Variants in RABIF observed in about 807,000 individuals in gnomAD.
RABIF encodes guanine nucleotide exchange factor MSS4.
A neutral mutation model predicts 12.3 loss-of-function variants in RABIF; 13 were observed. The ratio of observed to expected loss-of-function variants is 1.06; its 90% CI spans 0.69 to 1.68. The LOEUF is 1.68. RABIF is among the 40% of genes most tolerant of loss of function. RABIF has a pLI of 0.00. For missense variants in RABIF, 153 were observed against 158.0 expected (o/e 0.97, Z 0.17); for synonymous variants, 70 against 63.3 (o/e 1.11, Z -0.50).
intron 1 of RABIF, among the ~76,000 whole-genome samples, chr1:202,884,985 G>C (rs1659538783): frequency 6.6e-6 from 1 of 151,670 alleles, no homozygotes; most frequent in African/African-American, 2.4e-5. Flanking sequence ...CTACTCGGGA[G>C]GCTGAGACTG....
At chr1:202,884,659 A>C (rs1279465448) in intron 1 of RABIF, among the ~76,000 whole-genome samples, 1 of 152,132 alleles carries the variant, frequency 6.6e-6, no homozygotes, top group East Asian at 1.9e-4. Flanking sequence ...TCCAGTGCTC[A>C]GGTGTGTGAG....
chr1:202,884,814 G>GT (rs1328364309), intron 1 of RABIF, among the ~76,000 whole-genome samples: 1 of 152,192 alleles, frequency 6.6e-6, no homozygotes, highest in East Asian at 1.9e-4. Context: ...GCCGGGCACA[G>GT]TGGCTCATGC....
rs114826995 is a variant in RABIF at position 202,886,721 on chromosome 1, C to T, written c.126+2252G>A. 8.4e-3 allele frequency among the ~76,000 whole-genome samples: 1,229 copies of T among 146,356 alleles called. 17 individuals are homozygous for T. Among genetic ancestry groups the T allele is most frequent in the African/African-American group, 0.029 (1,172 of 40,126 alleles). On this transcript the variant is annotated intron_variant, in intron 1 of 1. Transcript: ENST00000367262. Reference sequence around the variant, plus strand: ...AGACCAGCCTGAGCAATACAGTGAGCGCGTCTATGTTTTTTTCTTTTTTCT... The same window carrying T: ...AGACCAGCCTGAGCAATACAGTGAGTGCGTCTATGTTTTTTTCTTTTTTCT...
intron 1 of RABIF, among the ~76,000 whole-genome samples, chr1:202,885,962 C>G (rs921153728): frequency 1.0e-4 from 13 of 125,810 alleles, no homozygotes; most frequent in Non-Finnish European, 1.3e-4. Context: ...AAAAACACAA[C>G]CCAAAAAAAA....
intron 1 of RABIF, among the ~76,000 whole-genome samples, chr1:202,882,029 A>G (rs1006597097): frequency 2.6e-5 from 4 of 152,218 alleles, no homozygotes; most frequent in Non-Finnish European, 5.9e-5. Context: ...CATATTTTAA[A>G]TGCACATTAG....
chr1:202,884,672 C>T (rs1367017206), intron 1 of RABIF, among the ~76,000 whole-genome samples: 1 of 152,092 alleles, frequency 6.6e-6, no homozygotes, highest in Non-Finnish European at 1.5e-5. Flanking sequence ...TGTGTGAGCC[C>T]TCCCAGCCCA....
chr1:202,882,370 C>T (rs997777714), intron 1 of RABIF, among the ~76,000 whole-genome samples: 3 of 151,948 alleles, frequency 2.0e-5, no homozygotes, highest in African/African-American at 4.8e-5. Context: ...GGCGACAGAG[C>T]GAGACTCTGT....
intron 1 of RABIF, among the ~76,000 whole-genome samples, chr1:202,881,471 A>G (rs1365421882): frequency 6.6e-6 from 1 of 151,744 alleles, no homozygotes; most frequent in Non-Finnish European, 1.5e-5. Context: ...GCGCGATCTC[A>G]GCTCACTGCA....
At chr1:202,888,902 T>G in intron 1 of RABIF, 71 bp downstream of exon 1, 1 of 1,441,558 alleles carries the variant, frequency 6.9e-7, no homozygotes, top group Non-Finnish European at 9.2e-7. Context: ...AGAGCCGGGG[T>G]TCAGATTCTG....
At position 202,888,947 on chromosome 1, in the gene RABIF, AAACGGCCTCC is replaced by A. The variant is rs765112912; in HGVS notation, c.126+16_126+25del. The stretch of plus-strand genomic sequence containing the variant: ...GCTCGTCGGGGGAGACTGTGGGTGT[AAACGGCCTCC>A]AACCTGCCTCCCTACCTGTCGGCGA... On this transcript the variant is annotated intron_variant, in intron 1 of 1. Transcript: ENST00000367262. The A allele has an allele frequency of 6.6e-7, 1 of 1,521,492 alleles. No individual in the cohort carries two copies. The highest frequency in any genetic ancestry group is 1.2e-5 in the South Asian group (1 of 81,184). The allele number at this position is 1,521,492 out of a possible 1,614,324, so 94.2% of individuals were successfully genotyped here.
rs1131906 is a variant in RABIF, at chr1:202,880,595, G to A, written c.*383C>T. ...GCAGATTTCAACTATTAGTACATAA[G>A]CATCTTTTGTTATGTGTCATCATAG... On this transcript the variant is annotated 3_prime_UTR_variant, in exon 2 of 2. Coordinates refer to ENST00000367262, the MANE Select transcript of RABIF (RefSeq NM_002871.5). 437,735 of 694,700 alleles carry A rather than the reference G, an allele frequency of 0.63. 139,242 individuals carry two copies. The highest frequency in any genetic ancestry group is 0.65 in the Non-Finnish European group (366,417 of 560,802). The allele number at this position is 694,700 out of a possible 1,614,324, so 43.0% of individuals were successfully genotyped here.
rs1315980852 is a variant in RABIF at position 202,887,941 on chromosome 1, T to TG, written c.126+1031dup. ...AATTGAGAACTCTACTCCTAAACCTTGAAGTCTTAAAAGAACCCCGGGACC... is the reference window on the plus strand; with the variant it reads ...AATTGAGAACTCTACTCCTAAACCTTGGAAGTCTTAAAAGAACCCCGGGACC... On this transcript the variant is annotated intron_variant, in intron 1 of 1. Transcript: ENST00000367262. 2.6e-5 allele frequency among the ~76,000 whole-genome samples: 4 copies of TG among 152,200 alleles called. No individual in the cohort carries two copies. In the East Asian group the frequency reaches 7.7e-4, roughly 29 times the overall value.
At chr1:202,881,482 A>ACCT (rs1429717969) in intron 1 of RABIF, among the ~76,000 whole-genome samples, 1 of 151,562 alleles carries the variant, frequency 6.6e-6, no homozygotes, top group Non-Finnish European at 1.5e-5. Flanking sequence ...GCTCACTGCA[A>ACCT]CCTCCGCCTC....
chr1:202,885,692 C>G (rs897532190), intron 1 of RABIF, among the ~76,000 whole-genome samples: 13 of 152,206 alleles, frequency 8.5e-5, no homozygotes, highest in Non-Finnish European at 1.9e-4. Context: ...TGACACAGAG[C>G]AGGGAAAGGA....
intron 1 of RABIF, among the ~76,000 whole-genome samples, chr1:202,888,719 C>A (rs527391335): frequency 7.4e-4 from 112 of 152,204 alleles, no homozygotes; most frequent in Admixed American, 1.8e-3. Context: ...GGCAGAGGGC[C>A]GGGCTGGCTG....
rs765437802 is a variant in RABIF, at chr1:202,888,988, G to A, written c.111C>T (p.Leu37=). The A allele has an allele frequency of 9.5e-6, 15 of 1,578,712 alleles. No individual in the cohort carries two copies. The Admixed American group carries it at 1.5e-4, about 16-fold the overall frequency. Residue 37 remains leucine (L), a synonymous_variant, in exon 1 of 2, where the codon CTC becomes CTT. Transcript: ENST00000367262. ...GSRVLQPGTA[L]FSRRQLFLPS... Reference sequence around the variant, plus strand: ...GCCTCCCTACCTGTCGGCGAGAGAAGAGAGCGGTCCCTGGCTGCAGCACCC... The same window carrying A: ...GCCTCCCTACCTGTCGGCGAGAGAAAAGAGCGGTCCCTGGCTGCAGCACCC...
In RABIF at chr1:202,881,067, C is replaced by T. The variant is rs1804749; in HGVS notation, c.283G>A (p.Ala95Thr). Residue 95 changes from alanine (A) to threonine (T), a missense_variant, in exon 2 of 2, where the codon GCA (alanine) becomes ACA (threonine). Ala to Thr is a moderately conservative substitution (Grantham distance 58). Around this residue, in one of 2 missense-constraint regions of RABIF, gnomAD observed 40 missense variants for 67.1 expected, o/e 0.60. Transcript: ENST00000367262. ...CCAATTGGTCCAATTTCACAGTCTG[C>T]GCAGACCAGAAACTTGATGTTGCCC... ...DVGNIKFLVC[A>T]DCEIGPIGWH... 109 of 1,614,034 alleles carry T rather than the reference C, an allele frequency of 6.8e-5. No homozygotes were observed. Among genetic ancestry groups the T allele is most frequent in the Middle Eastern group, 1.6e-4 (1 of 6,084 alleles).
chr1:202,888,703 C>G (rs1016496549), intron 1 of RABIF, among the ~76,000 whole-genome samples: 2 of 152,150 alleles, frequency 1.3e-5, no homozygotes, highest in South Asian at 2.1e-4. Context: ...TCGAAGCCCC[C>G]CCGGGGGCAG....
At position 202,882,031 on chromosome 1, in the gene RABIF, G is replaced by A. The variant is rs1571503929; in HGVS notation, c.127-808C>T. ...CATATGAACTGCACATATTTTAAAT[G>A]CACATTAGCTTGGGCAACATAATGA... is the stretch of plus-strand genomic sequence containing the variant. On this transcript the variant is annotated intron_variant, in intron 1 of 1. Transcript: ENST00000367262. Among the ~76,000 whole-genome samples the A allele has an allele frequency of 2.0e-5, 3 of 152,292 alleles. 1 individual carries two copies. Among genetic ancestry groups the A allele is most frequent in the African/African-American group, 7.2e-5 (3 of 41,568 alleles).
Sources: gnomAD v4.1 joint callset for allele counts (sites outside exome capture counted in the v4.1 genomes callset) on GRCh38, gnomAD v4.1.1 for gene constraint, gnomAD v4.1.1 regional missense constraint, MANE v1.5 for transcripts, NCBI Gene and HGNC (gene_info 2026-07-23, HGNC 2026-07-21) for gene names.